LAMA3: variants seen among roughly 807,000 people sequenced by gnomAD.
LAMA3 encodes laminin subunit alpha 3.
LAMA3 carries 281 observed loss-of-function variants against 402.0 expected under a neutral mutation model. The observed-to-expected ratio is 0.70, with a 90% CI of 0.63 to 0.77. LAMA3 has a LOEUF of 0.77. Among genes scored for constraint, LAMA3 ranks in the 30% least tolerant of loss-of-function variants. The pLI is 0.00. For synonymous variants in LAMA3, 1,431 were observed against 1,558.4 expected, an observed-to-expected ratio of 0.92 and a Z score of 1.93; for missense variants, 3,840 against 4,215.5, an observed-to-expected ratio of 0.91 and a Z score of 2.47.
At chr18:23,862,213 A>G (rs971560028) in intron 35 of LAMA3, among the ~76,000 whole-genome samples, 2 of 152,246 alleles carry the variant, frequency 1.3e-5, no homozygotes, top group Admixed American at 6.5e-5. Flanking sequence ...AAAGCTAACA[A>G]GTGACTCACA....
chr18:23,689,957 G>A lies in LAMA3; in HGVS notation c.274G>A (p.Gly92Ser). 1.3e-6 allele frequency: 2 copies of A among 1,517,356 alleles called. No homozygotes were observed. Among genetic ancestry groups the A allele is most frequent in the African/African-American group, 2.8e-5 (2 of 70,558 alleles). The allele number at this position is 1,517,356 out of a possible 1,614,324, so 94.0% of individuals were successfully genotyped here. ...CKLVGGPTAPGSGHTIQGQFC... is the reference protein window; with the variant it reads ...CKLVGGPTAPSSGHTIQGQFC... ...GTTGGTCGGGGGCCCCACCGCCCCA[G>A]GCAGCGGCCACACCATCCAGGTGAG... The change falls in exon 1 of 75, where the codon GGC becomes AGC. Residue 92 changes from glycine to serine, a missense_variant. Gly to Ser is a moderately conservative substitution (Grantham distance 56, BLOSUM62 0). Around this residue, in one of 3 missense-constraint regions of LAMA3, gnomAD observed 2,109 missense variants for 2,376.0 expected, o/e 0.89. Transcript: ENST00000313654.
At chr18:23,819,519 G>A (rs1196780153) in intron 18 of LAMA3, among the ~76,000 whole-genome samples, 2 of 152,154 alleles carry the variant, frequency 1.3e-5, no homozygotes. Context: ...TAAATAAACA[G>A]TAAATAACCT....
rs368318177 is a variant in LAMA3 at position 23,745,938 on chromosome 18, G to C, written c.448-2005G>C. 2.4e-4 allele frequency among the ~76,000 whole-genome samples: 36 copies of C among 152,296 alleles called. No homozygotes were observed. In the East Asian group the frequency reaches 6.4e-3, roughly 27 times the overall value. On this transcript the variant is annotated intron_variant, in intron 2 of 74. Transcript: ENST00000313654. ...CCTTATTTTGATGTGGTCTGAGAGA[G>C]ATGTGCAAAGAGTTTTTAGCGAAAT...
chr18:23,716,389 G>C (rs530847742), intron 2 of LAMA3, among the ~76,000 whole-genome samples: 19 of 152,138 alleles, frequency 1.2e-4, no homozygotes, highest in African/African-American at 4.3e-4. Flanking sequence ...GAATTACTGA[G>C]CTCAGGCAAT....
intron 14 of LAMA3, among the ~76,000 whole-genome samples, chr18:23,813,884 T>A (rs537488897): frequency 6.6e-6 from 1 of 152,330 alleles, no homozygotes; most frequent in African/African-American, 2.4e-5. Context: ...ATTGTCTGTC[T>A]TCTTGGCCTC....
At chr18:23,762,528 G>T (rs372606347) in intron 7 of LAMA3, among the ~76,000 whole-genome samples, 1 of 151,470 alleles carries the variant, frequency 6.6e-6, no homozygotes, top group Non-Finnish European at 1.5e-5. Flanking sequence ...GGCAGAGGTC[G>T]CAGTGAGTCG....
At position 23,943,804 on chromosome 18, in the gene LAMA3, G is replaced by C; in HGVS notation, c.9043G>C (p.Asp3015His). Residue 3015 changes from aspartate (D) to histidine (H), a missense_variant, in exon 69 of 75, where the codon GAC becomes CAC. This residue lies in a region of LAMA3 where 840 missense variants were observed against 981.9 expected (regional missense o/e 0.86). Coordinates refer to ENST00000313654, the MANE Select transcript of LAMA3 (RefSeq NM_198129.4). The stretch of plus-strand genomic sequence containing the variant: ...TCCCAACAGGTCACAGTTTGCTGTG[G>C]ACATGCAGACAACATCCTCCAGAGG... ...LLKPRSQFAV[D>H]MQTTSSRGLV... is the part of the protein sequence containing the mutation. The C allele has an allele frequency of 2.5e-6, 4 of 1,613,986 alleles. No individual in the cohort carries two copies. Among genetic ancestry groups the C allele is most frequent in the Non-Finnish European group, 3.4e-6 (4 of 1,179,864 alleles).
At position 23,904,571 on chromosome 18, in the gene LAMA3, C is replaced by T. The variant is rs149747693; in HGVS notation, c.6492C>T (p.Ser2164=). 106 of 1,601,152 alleles carry T rather than the reference C, an allele frequency of 6.6e-5. No individual in the cohort carries two copies. In the African/African-American group the frequency reaches 1.2e-3, roughly 19 times the overall value. The change falls in exon 51 of 75, where the codon AGC becomes AGT. Residue 2164 remains serine (S), a synonymous_variant. Transcript: ENST00000313654. ...CTTCCAGGATCAAGAGAAACGCCAGCGGGGATGAGCTGGTGCGCTGTGCTG... is the reference window on the plus strand; with the variant it reads ...CTTCCAGGATCAAGAGAAACGCCAGTGGGGATGAGCTGGTGCGCTGTGCTG... The part of the protein sequence containing the change: ...KQLEEIKRNA[S]GDELVRCAVD...
At chr18:23,863,993 G>A (rs1337146278) in intron 35 of LAMA3, among the ~76,000 whole-genome samples, 1 of 152,092 alleles carries the variant, frequency 6.6e-6, no homozygotes, top group East Asian at 1.9e-4. Context: ...ACAATAATTT[G>A]GGAAATGTTC....
At position 23,879,190 on chromosome 18, in the gene LAMA3, G is replaced by C. The variant is rs1295317939; in HGVS notation, c.5113-2746G>C. Among the ~76,000 whole-genome samples the C allele has an allele frequency of 6.6e-6, 1 of 152,142 alleles. No homozygotes were observed. The highest frequency in any genetic ancestry group is 6.5e-5 in the Admixed American group (1 of 15,274). On this transcript the variant is annotated intron_variant, in intron 39 of 74. Transcript: ENST00000313654. The surrounding 1 kb of genome is among the most constrained non-coding windows in gnomAD (Gnocchi z 4.2). Reference sequence around the variant, plus strand: ...ACAGCTGACATGGTGCTCCTCTGAGGCTCACAGACGGAAGGAAGCCCACGA... The same window carrying C: ...ACAGCTGACATGGTGCTCCTCTGAGCCTCACAGACGGAAGGAAGCCCACGA...
At chr18:23,863,951 G>A (rs1041153981) in intron 35 of LAMA3, among the ~76,000 whole-genome samples, 8 of 152,198 alleles carry the variant, frequency 5.3e-5, no homozygotes, top group African/African-American at 1.4e-4. Flanking sequence ...TGCTGGAGTT[G>A]TCAGCCATGG....
intron 1 of LAMA3, among the ~76,000 whole-genome samples, chr18:23,693,389 A>G (rs903466004): frequency 2.0e-5 from 3 of 152,218 alleles, no homozygotes; most frequent in Admixed American, 6.5e-5. Context: ...GTAGTTACCT[A>G]TACTGTTGTT....
chr18:23,907,876 C>T lies in LAMA3; in HGVS notation c.6956C>T (p.Thr2319Ile). The change falls in exon 54 of 75, where the codon ACC becomes ATC. Residue 2319 changes from threonine (T) to isoleucine (I), a missense_variant. Around this residue, in one of 3 missense-constraint regions of LAMA3, gnomAD observed 891 missense variants for 857.5 expected, o/e 1.04. Transcript: ENST00000313654. ...ACAGATGTGGAAAGAATTAAGGACACCTATGGGAGGACACAGAACGAAGAC... is the reference window on the plus strand; with the variant it reads ...ACAGATGTGGAAAGAATTAAGGACATCTATGGGAGGACACAGAACGAAGAC... ...IQTDVERIKDTYGRTQNEDFK... is the reference protein window; with the variant it reads ...IQTDVERIKDIYGRTQNEDFK... The T allele has an allele frequency of 6.2e-7, 1 of 1,614,064 alleles. No homozygotes were observed. Among genetic ancestry groups the T allele is most frequent in the Admixed American group, 1.7e-5 (1 of 60,022 alleles).
At chr18:23,950,003 C>T in intron 71 of LAMA3, 26 bp from the exon 72 acceptor site, 4 of 1,614,114 alleles carry the variant, frequency 2.5e-6, no homozygotes, top group Non-Finnish European at 3.4e-6. Flanking sequence ...GATGCTTTAA[C>T]TTTTGCTTTG....
chr18:23,939,227 TGCAGGACACACCA>T lies in LAMA3; in HGVS notation c.8869_8881del (p.Gln2957TrpfsTer7). 1 of 1,613,984 alleles carries T rather than the reference TGCAGGACACACCA, an allele frequency of 6.2e-7. No individual in the cohort carries two copies. Among genetic ancestry groups the T allele is most frequent in the Admixed American group, 1.7e-5 (1 of 60,030 alleles). ...TGTTGCTCTTTTCCCATGCAGCTGTTGCAGGACACACCAGTGGCCTCCCCAAGGAGCGTGAAGG... is the reference window on the plus strand; with the variant it reads ...TGTTGCTCTTTTCCCATGCAGCTGTTGTGGCCTCCCCAAGGAGCGTGAAGG... On this transcript the variant is annotated frameshift_variant, in exon 68 of 75. Coordinates refer to ENST00000313654, the MANE Select transcript of LAMA3 (RefSeq NM_198129.4). LOFTEE classifies it high-confidence loss of function.
Position 23,877,173 on chromosome 18 carries a change from G to A in LAMA3, c.5112+766G>A, listed in dbSNP as rs138845736. 2.6e-3 allele frequency among the ~76,000 whole-genome samples: 397 copies of A among 152,206 alleles called. 1 individual carries two copies. The highest frequency in any genetic ancestry group is 5.0e-3 in the Non-Finnish European group (339 of 68,012). On this transcript the variant is annotated intron_variant, in intron 39 of 74. Coordinates refer to ENST00000313654, the MANE Select transcript of LAMA3 (RefSeq NM_198129.4). ...AGGGAAAGTGCTGCTCACCCCTCCC[G>A]TCCTCACAACATCCACCGCCTGCCT...
At chr18:23,905,379 T>C (rs1389244649) in intron 51 of LAMA3, 143 bp from the exon 52 acceptor site, 2 of 590,794 alleles carry the variant, frequency 3.4e-6, no homozygotes, top group Non-Finnish European at 6.2e-6. Flanking sequence ...GCCCTAACTC[T>C]TTTAGGGAAC....
intron 41 of LAMA3, 116 bp from the exon 42 acceptor site, chr18:23,889,895 G>A (rs767598660): frequency 4.1e-5 from 33 of 795,208 alleles, no homozygotes; most frequent in East Asian, 1.2e-4. Flanking sequence ...GATCTATGTC[G>A]GTCTTCCACC....
At chr18:23,951,410 C>T (rs890911688) in intron 72 of LAMA3, among the ~76,000 whole-genome samples, 2 of 152,076 alleles carry the variant, frequency 1.3e-5, no homozygotes, top group African/African-American at 4.8e-5. Flanking sequence ...CTGATGGGGG[C>T]GGGGTTTGGA....
Sources: gnomAD v4.1 joint callset for allele counts (sites outside exome capture counted in the v4.1 genomes callset) on GRCh38, gnomAD v4.1.1 for gene constraint, gnomAD v4.1.1 regional missense constraint, Gnocchi (gnomAD v3.1) non-coding constraint, MANE v1.5 for transcripts, NCBI Gene and HGNC (gene_info 2026-07-23, HGNC 2026-07-21) for gene names.